Variants in IKZF1 observed in about 807,000 individuals in gnomAD.
The protein encoded by IKZF1 is DNA-binding protein Ikaros.
In IKZF1, 10 loss-of-function variants were observed where a neutral mutation model predicts 51.7. The ratio of observed to expected loss-of-function variants is 0.19; its 90% CI spans 0.12 to 0.33. IKZF1 has a LOEUF of 0.33. Ranked by LOEUF, IKZF1 falls within the 10% of genes least tolerant of loss-of-function variation. IKZF1 has a pLI of 1.00. For synonymous variants in IKZF1, 280 were observed against 282.3 expected (o/e 0.99, Z 0.08); for missense variants, 484 against 707.5 (o/e 0.68, Z 3.58).
At chr7:50,382,216 G>T (rs1812035761) in intron 4 of IKZF1, among the ~76,000 whole-genome samples, 1 of 152,176 alleles carries the variant, frequency 6.6e-6, no homozygotes, top group African/African-American at 2.4e-5. Context: ...CGCAAAATTG[G>T]ATATTGGTTT....
chr7:50,357,766 C>T (rs1005288013), intron 3 of IKZF1, among the ~76,000 whole-genome samples: 10 of 152,118 alleles, frequency 6.6e-5, no homozygotes, highest in African/African-American at 9.7e-5. Context: ...AGCTAGGACG[C>T]GAAGACTTGG....
intron 3 of IKZF1, among the ~76,000 whole-genome samples, chr7:50,331,836 G>A (rs1026540772): frequency 3.3e-5 from 5 of 152,214 alleles, no homozygotes; most frequent in Non-Finnish European, 5.9e-5. Flanking sequence ...TTCCCGGTCT[G>A]AAGAAAATGA....
chr7:50,314,970 C>T (rs1223648414), intron 1 of IKZF1, among the ~76,000 whole-genome samples: 1 of 152,224 alleles, frequency 6.6e-6, no homozygotes, highest in Admixed American at 6.5e-5. Flanking sequence ...CAGGACAGGC[C>T]CAAGGTCCCC....
Position 50,400,597 on chromosome 7 carries a change from G to A in IKZF1, c.1530G>A (p.Thr510=). The A allele has an allele frequency of 1.2e-6, 2 of 1,611,878 alleles. No homozygotes were observed. Among genetic ancestry groups the A allele is most frequent in the South Asian group, 1.1e-5 (1 of 91,074 alleles). Residue 510 remains threonine (T), a synonymous_variant, in exon 8 of 8, where the codon ACG becomes ACA. Coordinates refer to ENST00000331340, the MANE Select transcript of IKZF1 (RefSeq NM_006060.6). The surrounding 1 kb of genome is among the most constrained non-coding windows in gnomAD (Gnocchi z 5.4). ...QDRYEFSSHI[T]RGEHRFHMS ...GGTACGAGTTCTCGTCGCACATAAC[G>A]CGAGGGGAGCACCGCTTCCACATGA...
intron 3 of IKZF1, among the ~76,000 whole-genome samples, chr7:50,334,068 A>T (rs1797009832): frequency 6.6e-6 from 1 of 152,246 alleles, no homozygotes; most frequent in Non-Finnish European, 1.5e-5. Context: ...GTAAATTTTA[A>T]TTTACAGTCT....
rs1332378093 is a variant in IKZF1, at chr7:50,402,342, G to T, written c.*1715G>T. 4.3e-6 allele frequency: 1 copy of T among 230,496 alleles called. No homozygotes were observed. Among genetic ancestry groups the T allele is most frequent in the Non-Finnish European group, 8.6e-6 (1 of 116,320 alleles). 14.3% of individuals were successfully genotyped at this position (230,496 alleles called of 1,614,324 possible). A position where few individuals can be genotyped will look rare whatever the true frequency, so the allele number is the denominator to read the frequency against. ...TCTCAGCACTATGACATTTTGGGCT[G>T]ACTACTTATTTGTTAGGCGGGAGCT... On this transcript the variant is annotated 3_prime_UTR_variant, in exon 8 of 8. Transcript: ENST00000331340.
intron 2 of IKZF1, among the ~76,000 whole-genome samples, chr7:50,324,760 A>AT (rs1339532924): frequency 6.6e-6 from 1 of 152,140 alleles, no homozygotes; most frequent in East Asian, 1.9e-4. Context: ...CAGCAGTTAA[A>AT]TTTTTTAATA....
At chr7:50,354,007 T>A (rs989778217) in intron 3 of IKZF1, among the ~76,000 whole-genome samples, 47 of 152,160 alleles carry the variant, frequency 3.1e-4, no homozygotes, top group African/African-American at 1.1e-3. Context: ...GGAGGCAGAA[T>A]TCCCCCCATA....
chr7:50,348,455 T>G (rs1038886857), intron 3 of IKZF1, among the ~76,000 whole-genome samples: 1 of 152,218 alleles, frequency 6.6e-6, no homozygotes, highest in Non-Finnish European at 1.5e-5. Flanking sequence ...CAGTTATTTT[T>G]GGGACATTCT....
Position 50,387,290 on chromosome 7 carries a change from T to A in IKZF1, c.590-55T>A, listed in dbSNP as rs1431171344. 1.6e-5 allele frequency: 26 copies of A among 1,585,490 alleles called. No homozygotes were observed. The Admixed American group carries it at 4.6e-4, about 28-fold the overall frequency. On this transcript the variant is annotated intron_variant, in intron 5 of 7. Transcript: ENST00000331340. ...ATAATTGTATTGCATGCATTCCCCT[T>A]ACACAGAAGGCTGGCATTTAATTGG... is the stretch of plus-strand genomic sequence containing the variant.
At chr7:50,312,813 CAGG>C (rs1161963057) in intron 1 of IKZF1, among the ~76,000 whole-genome samples, 1 of 152,298 alleles carries the variant, frequency 6.6e-6, no homozygotes, top group South Asian at 2.1e-4. Flanking sequence ...GAACAAACCG[CAGG>C]AGGAGTTTTC....
At chr7:50,312,008 A>G (rs7797255) in intron 1 of IKZF1, among the ~76,000 whole-genome samples, 62,082 of 152,012 alleles carry the variant, frequency 0.41, 12,986 homozygotes, top group East Asian at 0.6. Context: ...CCCTTCTTTT[A>G]GAGGCAGTTT....
chr7:50,317,244 A>C (rs1791814984), intron 1 of IKZF1, among the ~76,000 whole-genome samples: 1 of 152,234 alleles, frequency 6.6e-6, no homozygotes, highest in Admixed American at 6.5e-5. Flanking sequence ...TTCACCAATC[A>C]ATACAGAGGT....
At chr7:50,389,259 A>G (rs147173768) in intron 6 of IKZF1, among the ~76,000 whole-genome samples, 2,727 of 152,326 alleles carry the variant, frequency 0.018, 40 homozygotes, top group African/African-American at 0.034. Context: ...TGTGAGCAGG[A>G]GCCTAGACAT....
At chr7:50,329,177 ACTC>A (rs1795867643) in intron 3 of IKZF1, among the ~76,000 whole-genome samples, 1 of 150,884 alleles carries the variant, frequency 6.6e-6, no homozygotes. Context: ...TTTTTTTTTA[ACTC>A]AGCAGCACAG....
chr7:50,396,425 T>C (rs1816727428), intron 7 of IKZF1, among the ~76,000 whole-genome samples: 1 of 152,228 alleles, frequency 6.6e-6, no homozygotes, highest in Non-Finnish European at 1.5e-5. Flanking sequence ...TCTTTTTTCC[T>C]CTTACTCTGT....
In IKZF1 at chr7:50,376,626, T is replaced by C; in HGVS notation, c.254T>C (p.Leu85Pro). 2 of 1,614,000 alleles carry C rather than the reference T, an allele frequency of 1.2e-6. No individual in the cohort carries two copies. The change falls in exon 4 of 8, where the codon CTT becomes CCT. Residue 85 changes from leucine to proline, a missense_variant. Leu to Pro is a moderately conservative substitution (Grantham distance 98). Transcript: ENST00000331340. This position sits in a 1 kb window ranked among gnomAD's most constrained non-coding sequence, Gnocchi z 4.5. ...GAATGTGCGGAGGATTTACGAATGC[T>C]TGATGCCTCGGGAGAGAAAATGAAT... Reference protein sequence around the residue: ...GEECAEDLRMLDASGEKMNGS... With the variant: ...GEECAEDLRMPDASGEKMNGS...
At chr7:50,370,824 T>G (rs2153459559) in intron 3 of IKZF1, among the ~76,000 whole-genome samples, 1 of 152,334 alleles carries the variant, frequency 6.6e-6, no homozygotes, top group Non-Finnish European at 1.5e-5. Context: ...GAGTTTGACA[T>G]TTTTCTAAGT....
intron 3 of IKZF1, chr7:50,369,569 A>G (rs1808038222): frequency 7.5e-6 from 3 of 398,488 alleles, no homozygotes; most frequent in Non-Finnish European, 1.3e-5. Context: ...CTTGGTCTTG[A>G]TGCCTTCCCC....
Sources: gnomAD v4.1 joint callset for allele counts (sites outside exome capture counted in the v4.1 genomes callset) on GRCh38, gnomAD v4.1.1 for gene constraint, Gnocchi (gnomAD v3.1) non-coding constraint, MANE v1.5 for transcripts, NCBI Gene and HGNC (gene_info 2026-07-23, HGNC 2026-07-21) for gene names.